POM121: variants seen among roughly 807,000 people sequenced by gnomAD.
POM121 encodes nuclear envelope pore membrane protein POM 121.
A neutral mutation model predicts 81.3 loss-of-function variants in POM121; 32 were observed. That is an observed-to-expected ratio of 0.39 (90% CI 0.30 to 0.53). POM121 has a LOEUF of 0.53. Ranked by LOEUF, POM121 falls within the 20% of genes least tolerant of loss-of-function variation. POM121 has a pLI of 0.66. For missense variants in POM121, 1,138 were observed against 1,614.6 expected, an observed-to-expected ratio of 0.70 and a Z score of 5.06; for synonymous variants, 514 against 694.2, an observed-to-expected ratio of 0.74 and a Z score of 4.08.
chr7:72,933,185 C>T (rs1796190741), intron 5 of POM121, among the ~76,000 whole-genome samples: 1 of 152,114 alleles, frequency 6.6e-6, no homozygotes, highest in African/African-American at 2.4e-5. Context: ...AAACCGGTTG[C>T]TACTAAAAAT....
At chr7:72,949,586 A>G, downstream of POM121, 1 of 689,702 alleles carries the variant, frequency 1.4e-6, no homozygotes, top group Non-Finnish European at 2.6e-6. Context: ...ATGCAGGTTA[A>G]GCCAGGACAC....
intron 3 of POM121, among the ~76,000 whole-genome samples, chr7:72,906,327 C>G (rs1314557680): frequency 2.6e-5 from 4 of 152,232 alleles, no homozygotes; most frequent in African/African-American, 9.7e-5. Context: ...AGGTGCAGAA[C>G]CCACGGTTTT....
downstream of POM121, chr7:72,949,277 T>G: frequency 1.2e-6 from 1 of 840,530 alleles, no homozygotes; most frequent in Non-Finnish European, 2.1e-6. Flanking sequence ...GCTGTGGACC[T>G]CTGAGTCCCT....
Position 72,926,998 on chromosome 7 carries a change from C to T in POM121, c.1022+35C>T, listed in dbSNP as rs782756414. On this transcript the variant is annotated intron_variant, in intron 3 of 12. Transcript: ENST00000434423. ...TCAGGAGAGTACTAAGCCGGTTTCG[C>T]GCTTGGACTCCTATGGGATGAGATG... is the stretch of plus-strand genomic sequence containing the variant. 20 of 1,613,756 alleles carry T rather than the reference C, an allele frequency of 1.2e-5. No homozygotes were observed. The East Asian group carries it at 2.9e-4, about 23-fold the overall frequency.
downstream of POM121, chr7:72,949,328 A>C (rs1554504256): frequency 1.2e-6 from 1 of 812,064 alleles, no homozygotes; most frequent in Non-Finnish European, 2.2e-6. Flanking sequence ...CCACTGCAGG[A>C]AGGATCCAGC....
chr7:72,890,519 A>C (rs1791200002), intron 1 of POM121: 1 of 1,296,350 alleles, frequency 7.7e-7, no homozygotes, highest in African/African-American at 1.5e-5. Flanking sequence ...CTGTAACATA[A>C]AATAAGGTAT....
At chr7:72,901,943 T>A (rs1372795003) in intron 3 of POM121, among the ~76,000 whole-genome samples, 1 of 151,788 alleles carries the variant, frequency 6.6e-6, no homozygotes, top group Non-Finnish European at 1.5e-5. Context: ...TGAAACCCCA[T>A]CTCTACTAAA....
At chr7:72,901,038 T>A (rs535773813) in intron 3 of POM121, among the ~76,000 whole-genome samples, 1 of 151,510 alleles carries the variant, frequency 6.6e-6, no homozygotes, top group African/African-American at 2.4e-5. Context: ...CAGGTCAGAC[T>A]GCAGTGGTGT....
chr7:72,915,354 T>C (rs1439708507), intron 4 of POM121, among the ~76,000 whole-genome samples: 4 of 152,146 alleles, frequency 2.6e-5, no homozygotes, highest in Non-Finnish European at 5.9e-5. Context: ...TAATATTGAT[T>C]AACAAACTAG....
At chr7:72,911,434 G>A (rs1554494264) in intron 3 of POM121, among the ~76,000 whole-genome samples, 1 of 152,146 alleles carries the variant, frequency 6.6e-6, no homozygotes, top group African/African-American at 2.4e-5. Flanking sequence ...TCATTTTAGC[G>A]GCAATACATT....
chr7:72,919,646 C>A (rs577478230), intron 4 of POM121, among the ~76,000 whole-genome samples: 1 of 152,102 alleles, frequency 6.6e-6, no homozygotes, highest in Admixed American at 6.6e-5. Context: ...CTATGCTTGG[C>A]TATTTTTGTA....
chr7:72,894,203 T>G (rs1471666975), intron 3 of POM121, among the ~76,000 whole-genome samples: 1 of 151,690 alleles, frequency 6.6e-6, no homozygotes, highest in Non-Finnish European at 1.5e-5. Context: ...GCAGCAGTTG[T>G]GGTGAGGAGA....
In POM121 at chr7:72,899,960, G is replaced by A. The variant is rs202104200; in HGVS notation, c.-216+8850G>A. On this transcript the variant is annotated intron_variant, in intron 3 of 15. Transcript: ENST00000395270. ...TCGTCATATGAGTGAAGGTGGTAAT[G>A]TGGGACACAGCATTTTCTAAACCTG... Among the ~76,000 whole-genome samples, 194 of 152,282 alleles carry A rather than the reference G, an allele frequency of 1.3e-3. 1 individual carries two copies. Among genetic ancestry groups the A allele is most frequent in the East Asian group, 0.011 (58 of 5,178 alleles).
At position 72,883,316 on chromosome 7, in the gene POM121, G is replaced by A. The variant is rs141077886; in HGVS notation, c.-521+3431G>A. Among the ~76,000 whole-genome samples the A allele has an allele frequency of 3.9e-3, 597 of 152,310 alleles. 26 individuals are homozygous for A. Among genetic ancestry groups the A allele is most frequent in the Admixed American group, 0.029 (444 of 15,298 alleles). ...GTCCCAAAGTGCTAGGATTACAGGC[G>A]TGAGCCACTGCTCCCGGCCTAGAAA... is the stretch of plus-strand genomic sequence containing the variant. On this transcript the variant is annotated intron_variant, in intron 1 of 15. Coordinates refer to the POM121 transcript ENST00000395270.
chr7:72,920,610 T>C (rs1401337491), upstream of POM121, among the ~76,000 whole-genome samples: 2 of 152,170 alleles, frequency 1.3e-5, no homozygotes, highest in Non-Finnish European at 2.9e-5. Context: ...CGCCTTGGCC[T>C]CCCAAAGTGC....
chr7:72,941,715 AGTT>A (rs1797087262), intron 10 of POM121, 119 bp from the exon 11 acceptor site: 1 of 1,162,308 alleles, frequency 8.6e-7, no homozygotes, highest in Non-Finnish European at 1.2e-6. Context: ...GACTTAGCTG[AGTT>A]TATTGACTGA....
chr7:72,929,385 G>T (rs567683825), intron 4 of POM121, among the ~76,000 whole-genome samples: 9 of 152,336 alleles, frequency 5.9e-5, no homozygotes, highest in Non-Finnish European at 1.2e-4. Context: ...GGAGAGAGTT[G>T]TCTATATTGT....
chr7:72,926,576 C>G (rs1795470076), intron 2 of POM121, 99 bp downstream of exon 2: 2 of 1,558,376 alleles, frequency 1.3e-6, no homozygotes, highest in African/African-American at 2.7e-5. Flanking sequence ...AAAGAAAGGA[C>G]GAAGCTGCTT....
At chr7:72,908,578 T>C (rs1554493798) in intron 3 of POM121, among the ~76,000 whole-genome samples, 2 of 152,170 alleles carry the variant, frequency 1.3e-5, no homozygotes, top group Non-Finnish European at 1.5e-5. Context: ...GGGAATTTCC[T>C]CGTCCTAATA....
Sources: gnomAD v4.1 joint callset for allele counts (sites outside exome capture counted in the v4.1 genomes callset) on GRCh38, gnomAD v4.1.1 for gene constraint, MANE v1.5 for transcripts, NCBI Gene and HGNC (gene_info 2026-07-23, HGNC 2026-07-21) for gene names.